Variants in LMF1 observed in about 807,000 individuals in gnomAD.
The protein encoded by LMF1 is transmembrane protein 112.
In LMF1, 68 loss-of-function variants were observed where a neutral mutation model predicts 60.6. The observed-to-expected ratio is 1.12, with a 90% CI of 0.92 to 1.37. The LOEUF (loss-of-function observed/expected upper bound fraction) is 1.37, where lower values mean the gene tolerates loss of function less well. Among genes scored for constraint, LMF1 ranks in the 40% most tolerant of loss-of-function variants. The probability of loss-of-function intolerance (pLI) is 0.00; values close to 1 mark genes in which losing one functional copy is unlikely to be tolerated. For synonymous variants in LMF1, 418 were observed against 324.7 expected, an observed-to-expected ratio of 1.29 and a Z score of -3.09; for missense variants, 948 against 767.2, an observed-to-expected ratio of 1.24 and a Z score of -2.78.
In LMF1 at chr16:897,743, C is replaced by G. The variant is rs188710914; in HGVS notation, c.664-4671G>C. Among the ~76,000 whole-genome samples, 69 of 152,294 alleles carry G rather than the reference C, an allele frequency of 4.5e-4. No homozygotes were observed. Among genetic ancestry groups the G allele is most frequent in the African/African-American group, 1.2e-3 (51 of 41,576 alleles). On this transcript the variant is annotated intron_variant, in intron 4 of 10. Transcript: ENST00000262301. This position sits in a 1 kb window ranked among gnomAD's most constrained non-coding sequence, Gnocchi z 4.3. ...TGGGCAGAGGCACTATGGGGTCTATCAAGACCCTCTAGTCTCCATATCTGA... is the reference window on the plus strand; with the variant it reads ...TGGGCAGAGGCACTATGGGGTCTATGAAGACCCTCTAGTCTCCATATCTGA...
chr16:869,544 G>A (rs1281226373), intron 9 of LMF1: 1 of 580,660 alleles, frequency 1.7e-6, no homozygotes, highest in Admixed American at 2.2e-5. Context: ...TCCTCCTCCT[G>A]CGTAGCTGAA....
In LMF1 at chr16:934,325, C is replaced by A. The variant is rs891778657; in HGVS notation, c.504-71G>T. Reference sequence around the variant, plus strand: ...CAACCAAAAACCCACTGTTTCCCCACTGAGTGAAGCCCACCCTGGCACCCA... The same window carrying A: ...CAACCAAAAACCCACTGTTTCCCCAATGAGTGAAGCCCACCCTGGCACCCA... On this transcript the variant is annotated intron_variant, in intron 2 of 10. Coordinates refer to ENST00000262301, the MANE Select transcript of LMF1 (RefSeq NM_022773.4). The A allele has an allele frequency of 2.5e-6, 4 of 1,580,552 alleles. No homozygotes were observed. The African/African-American group carries it at 5.4e-5, about 21-fold the overall frequency.
At chr16:929,490 GAGCCCTGCC>G (rs2071707735) in intron 3 of LMF1, among the ~76,000 whole-genome samples, 1 of 152,186 alleles carries the variant, frequency 6.6e-6, no homozygotes, top group African/African-American at 2.4e-5. Context: ...CAGCCCCACG[GAGCCCTGCC>G]ACCCGCTGCT....
intron 3 of LMF1, among the ~76,000 whole-genome samples, chr16:914,931 G>A (rs1012245899): frequency 1.9e-4 from 29 of 152,250 alleles, no homozygotes; most frequent in Admixed American, 2.6e-4. Flanking sequence ...GTAATGTTCC[G>A]TAGTGACTGA....
In LMF1 at chr16:955,102, GCA is replaced by G. The variant is rs772038218; in HGVS notation, c.194-438_194-437del. 1.1e-4 allele frequency among the ~76,000 whole-genome samples: 14 copies of G among 124,096 alleles called. 1 individual carries two copies. The highest frequency in any genetic ancestry group is 1.8e-4 in the Non-Finnish European group (11 of 60,452). 81.4% of individuals were successfully genotyped at this position (124,096 alleles called of 152,430 possible). On this transcript the variant is annotated intron_variant, in intron 1 of 10. Coordinates refer to ENST00000262301, the MANE Select transcript of LMF1 (RefSeq NM_022773.4). ...CGTGCCCGCAGCAGACGCGGTGTGT[GCA>G]CACACACACACACATCTAAGTAAAC...
At chr16:904,455 C>G (rs1270210344) in intron 4 of LMF1, among the ~76,000 whole-genome samples, 27 of 112,238 alleles carry the variant, frequency 2.4e-4, no homozygotes, top group South Asian at 7.8e-4. Flanking sequence ...TGTGGGGACG[C>G]CCGTCTCTGC....
At chr16:893,284 G>A in intron 4 of LMF1, 2 of 664,592 alleles carry the variant, frequency 3.0e-6, no homozygotes, top group Middle Eastern at 2.4e-4. Context: ...CAGGAGTTTA[G>A]TGCACACCGC....
At chr16:910,178 T>C (rs1404626513) in intron 4 of LMF1, among the ~76,000 whole-genome samples, 1 of 152,230 alleles carries the variant, frequency 6.6e-6, no homozygotes, top group East Asian at 1.9e-4. Context: ...GCTTTTAAAG[T>C]GCACATCGTG....
At chr16:977,226 G>C in intron 1 of LMF1, 2 of 397,650 alleles carry the variant, frequency 5.0e-6, no homozygotes, top group Admixed American at 5.5e-5. Flanking sequence ...GACCCAAACC[G>C]GAACTCGTGC....
In LMF1 at chr16:860,970, G is replaced by C. The variant is rs150226158; in HGVS notation, c.1530-6264C>G. 2.9e-3 allele frequency among the ~76,000 whole-genome samples: 440 copies of C among 151,982 alleles called. 3 individuals carry two copies. The highest frequency in any genetic ancestry group is 0.01 in the African/African-American group (415 of 41,404). ...ATTTTTGCTCCTTTACATTTCCATA[G>C]AAAACTTGGGATGACTTGTCCTTAC... On this transcript the variant is annotated intron_variant, in intron 10 of 10. Coordinates refer to ENST00000262301, the MANE Select transcript of LMF1 (RefSeq NM_022773.4).
At chr16:867,386 G>A (rs1053399882) in intron 10 of LMF1, among the ~76,000 whole-genome samples, 4 of 152,332 alleles carry the variant, frequency 2.6e-5, no homozygotes, top group South Asian at 2.1e-4. Flanking sequence ...ACGACCTGAC[G>A]ATGGCAAACC....
At chr16:883,377 C>A (rs2070221462) in intron 5 of LMF1, among the ~76,000 whole-genome samples, 1 of 152,188 alleles carries the variant, frequency 6.6e-6, no homozygotes, top group South Asian at 2.1e-4. Context: ...AGCTGCCCAG[C>A]AGAACCTGTC....
At chr16:888,608 G>C (rs1036943049) in intron 5 of LMF1, among the ~76,000 whole-genome samples, 1 of 152,196 alleles carries the variant, frequency 6.6e-6, no homozygotes, top group East Asian at 1.9e-4. Context: ...TTGCATCCGC[G>C]TCGTCAGGCA....
chr16:951,152 G>C (rs537001937), intron 2 of LMF1, among the ~76,000 whole-genome samples: 1 of 149,584 alleles, frequency 6.7e-6, no homozygotes, highest in African/African-American at 2.5e-5. Flanking sequence ...GCCAACGACA[G>C]AGTCAGAGCC....
Position 879,639 on chromosome 16 carries a change from C to T in LMF1, c.828G>A (p.Leu276=), listed in dbSNP as rs1284960793. The T allele has an allele frequency of 3.7e-6, 6 of 1,613,256 alleles. No homozygotes were observed. The African/African-American group carries it at 8.0e-5, about 22-fold the overall frequency. The change falls in exon 6 of 11, where the codon CTG becomes CTA. Residue 276 remains leucine, a synonymous_variant. Coordinates refer to ENST00000262301, the MANE Select transcript of LMF1 (RefSeq NM_022773.4). Reference sequence around the variant, plus strand: ...GGCCGAGGAAGAGGAAGAAGGGCACCAGGAGCTCGATGAAGTGGTTGCTGA... The same window carrying T: ...GGCCGAGGAAGAGGAAGAAGGGCACTAGGAGCTCGATGAAGTGGTTGCTGA... ...ETLSNHFIEL[L]VPFFLFLGRR... is the part of the protein sequence containing the mutation.
intron 4 of LMF1, among the ~76,000 whole-genome samples, chr16:904,360 A>G (rs2070913276): frequency 1.1e-5 from 1 of 92,108 alleles, no homozygotes; most frequent in Non-Finnish European, 2.1e-5. Context: ...CGCCCACAGG[A>G]CGCCTGTCTC....
At chr16:974,222 TA>T, upstream of LMF1, among the ~76,000 whole-genome samples, 1 of 152,246 alleles carries the variant, frequency 6.6e-6, no homozygotes, top group East Asian at 1.9e-4. Flanking sequence ...GCACTTCACT[TA>T]AAAACAGGCT....
intron 6 of LMF1, among the ~76,000 whole-genome samples, chr16:877,188 G>A (rs373182262): frequency 3.3e-5 from 5 of 152,156 alleles, no homozygotes; most frequent in East Asian, 3.9e-4. Flanking sequence ...AAAATAGCTC[G>A]GCGTGGTGGC....
rs184766182 is a variant in LMF1, at chr16:962,662, T to G, written c.194-7996A>C. Among the ~76,000 whole-genome samples the G allele has an allele frequency of 1.9e-3, 284 of 152,246 alleles. 1 individual carries two copies. Among genetic ancestry groups the G allele is most frequent in the African/African-American group, 6.4e-3 (267 of 41,550 alleles). On this transcript the variant is annotated intron_variant, in intron 1 of 10. Transcript: ENST00000262301. This position sits in a 1 kb window ranked among gnomAD's most constrained non-coding sequence, Gnocchi z 4.5. ...TCTACAGACGCCATGACAGGCCTGC[T>G]TGACACTGTCAAGGTCGGAATCCTG...
Sources: allele counts gnomAD v4.1 joint callset (sites outside exome capture counted in the v4.1 genomes callset), GRCh38; gene constraint gnomAD v4.1.1; non-coding constraint Gnocchi (gnomAD v3.1); transcripts MANE v1.5; gene names NCBI Gene and HGNC (gene_info 2026-07-23, HGNC 2026-07-21).